Variants in XRN2 observed in about 807,000 individuals in gnomAD.
XRN2 encodes DHM1-like protein.
XRN2 carries 44 observed loss-of-function variants against 138.5 expected under a neutral mutation model. That is an observed-to-expected ratio of 0.32 (90% CI 0.25 to 0.41). XRN2 has a LOEUF of 0.41. Among genes scored for constraint, XRN2 ranks in the 10% least tolerant of loss-of-function variants. XRN2 has a pLI of 1.00. For synonymous variants in XRN2, 354 were observed against 369.4 expected (o/e 0.96, Z 0.48); for missense variants, 937 against 1,169.3 (o/e 0.80, Z 2.90).
Position 21,339,599 on chromosome 20 carries a change from C to T in XRN2, c.1278+511C>T, listed in dbSNP as rs538170349. ...CACATCCCCTGTTGTCTTCTAAATACGCCATATCCCTGCTGATTAAGAGTG... is the reference window on the plus strand; with the variant it reads ...CACATCCCCTGTTGTCTTCTAAATATGCCATATCCCTGCTGATTAAGAGTG... On this transcript the variant is annotated intron_variant, in intron 14 of 29. Coordinates refer to ENST00000377191, the MANE Select transcript of XRN2 (RefSeq NM_012255.5). 5.3e-5 allele frequency among the ~76,000 whole-genome samples: 8 copies of T among 152,326 alleles called. No homozygotes were observed. The East Asian group carries it at 7.7e-4, about 15-fold the overall frequency.
At chr20:21,377,265 T>TTTC (rs1491096750) in intron 27 of XRN2, among the ~76,000 whole-genome samples, 2 of 51,192 alleles carry the variant, frequency 3.9e-5, no homozygotes, top group Non-Finnish European at 7.2e-5. Flanking sequence ...CGGTTTTTTC[T>TTTC]TTTTTTTTTT....
Position 21,332,349 on chromosome 20 carries a change from A to G in XRN2, c.767A>G (p.Lys256Arg), listed in dbSNP as rs1239907301. The change falls in exon 9 of 30, where the codon AAA becomes AGA. Residue 256 changes from lysine to arginine, a missense_variant. Around this residue, in one of 6 missense-constraint regions of XRN2, gnomAD observed 471 missense variants for 581.2 expected, o/e 0.81. Transcript: ENST00000377191. The stretch of plus-strand genomic sequence containing the variant: ...TTTACCATTATTAGAGAAGAATTCA[A>G]ACCAAACAAGCCCAAACCATGTGGT... ...PNFTIIREEF[K>R]PNKPKPCGLC... The G allele has an allele frequency of 2.5e-5, 40 of 1,613,974 alleles. No individual in the cohort carries two copies. Among genetic ancestry groups the G allele is most frequent in the Non-Finnish European group, 3.3e-5 (39 of 1,179,876 alleles).
intron 27 of XRN2, among the ~76,000 whole-genome samples, chr20:21,375,899 C>G (rs1017631255): frequency 3.3e-5 from 5 of 151,568 alleles, no homozygotes; most frequent in African/African-American, 1.2e-4. Context: ...AGTGCAGTGG[C>G]GCAATCTCGG....
chr20:21,366,084 GTT>G (rs1407092757), intron 26 of XRN2, among the ~76,000 whole-genome samples: 2 of 101,170 alleles, frequency 2.0e-5, no homozygotes, highest in Non-Finnish European at 3.8e-5. Context: ...TATATTTATA[GTT>G]TATATATATA....
chr20:21,308,857 C>G lies in XRN2; in HGVS notation c.75+5384C>G, dbSNP rs2037839336. Among the ~76,000 whole-genome samples, 4 of 151,946 alleles carry G rather than the reference C, an allele frequency of 2.6e-5. No homozygotes were observed. In the South Asian group the frequency reaches 8.3e-4, roughly 31 times the overall value. ...TTAATTTTTTCCCTTTATATTTCTG[C>G]TTTTTGTATTTAAGGAATCCTTTGT... is the stretch of plus-strand genomic sequence containing the variant. On this transcript the variant is annotated intron_variant, in intron 1 of 29. Transcript: ENST00000377191.
intron 22 of XRN2, 32 bp downstream of exon 22, chr20:21,356,209 C>T (rs756524119): frequency 1.9e-6 from 3 of 1,547,452 alleles, no homozygotes; most frequent in Non-Finnish European, 2.6e-6. Context: ...ATTAGAAATG[C>T]ACTTTTTAAA....
At chr20:21,304,561 C>T (rs2037788868) in intron 1 of XRN2, among the ~76,000 whole-genome samples, 1 of 152,136 alleles carries the variant, frequency 6.6e-6, no homozygotes, top group African/African-American at 2.4e-5. Flanking sequence ...CCCTTCTCAT[C>T]CCATTTCTCC....
At chr20:21,379,951 C>G (rs896131123) in intron 27 of XRN2, among the ~76,000 whole-genome samples, 6 of 152,074 alleles carry the variant, frequency 3.9e-5, no homozygotes, top group African/African-American at 1.4e-4. Context: ...GAAGGTTTCT[C>G]TTAATGTAGC....
chr20:21,374,340 G>C (rs1438312462), intron 27 of XRN2, among the ~76,000 whole-genome samples: 1 of 151,990 alleles, frequency 6.6e-6, no homozygotes, highest in African/African-American at 2.4e-5. Flanking sequence ...TATTGCACAA[G>C]CTAGGACCTC....
At chr20:21,387,228 A>G (rs1458512650) in intron 29 of XRN2, among the ~76,000 whole-genome samples, 2 of 152,212 alleles carry the variant, frequency 1.3e-5, no homozygotes, top group African/African-American at 2.4e-5. Flanking sequence ...TTCTAACCCA[A>G]AAGCCCTTTA....
chr20:21,373,143 G>A (rs531316585), intron 27 of XRN2, among the ~76,000 whole-genome samples: 11 of 152,056 alleles, frequency 7.2e-5, no homozygotes, highest in Non-Finnish European at 1.2e-4. Context: ...CTGTGTAGCT[G>A]GGATTACAGG....
chr20:21,331,757 C>T lies in XRN2; in HGVS notation c.650-11C>T, dbSNP rs2038212923. ...TATATTAATATAAATACATGTTTCTCTCTTGTTTAGCCCAGCCTAACCATG... is the reference window on the plus strand; with the variant it reads ...TATATTAATATAAATACATGTTTCTTTCTTGTTTAGCCCAGCCTAACCATG... On this transcript the variant is annotated splice_polypyrimidine_tract_variant and intron_variant, in intron 7 of 29. Coordinates refer to ENST00000377191, the MANE Select transcript of XRN2 (RefSeq NM_012255.5). 5 of 1,604,498 alleles carry T rather than the reference C, an allele frequency of 3.1e-6. No individual in the cohort carries two copies. Among genetic ancestry groups the T allele is most frequent in the Non-Finnish European group, 4.2e-6 (5 of 1,177,624 alleles).
At chr20:21,314,193 C>T (rs894560129) in intron 1 of XRN2, among the ~76,000 whole-genome samples, 5 of 152,124 alleles carry the variant, frequency 3.3e-5, no homozygotes, top group African/African-American at 9.7e-5. Flanking sequence ...AGAATATGGT[C>T]GTTTCTGGCT....
intron 3 of XRN2, 53 bp downstream of exon 3, chr20:21,326,654 CCAG>C (rs1378864263): frequency 7.1e-7 from 1 of 1,404,146 alleles, no homozygotes; most frequent in Non-Finnish European, 9.8e-7. Flanking sequence ...TGCTGTGTTA[CCAG>C]TGTCTAGAAT....
intron 27 of XRN2, among the ~76,000 whole-genome samples, chr20:21,369,188 GT>G (rs1459459304): frequency 6.6e-6 from 1 of 152,122 alleles, no homozygotes; most frequent in Admixed American, 6.5e-5. Context: ...TGCCTGACTT[GT>G]TTCATGTAAC....
intron 8 of XRN2, 112 bp from the exon 9 acceptor site, chr20:21,332,171 C>T (rs2038221283): frequency 9.1e-6 from 12 of 1,319,080 alleles, no homozygotes; most frequent in Non-Finnish European, 2.0e-6. Context: ...CTTTGCTGCT[C>T]ATTTGGGTGC....
intron 1 of XRN2, among the ~76,000 whole-genome samples, chr20:21,321,706 T>A (rs958191012): frequency 6.6e-6 from 1 of 152,194 alleles, no homozygotes; most frequent in Non-Finnish European, 1.5e-5. Flanking sequence ...GTTCTAAAAT[T>A]TTTACAGGTT....
intron 19 of XRN2, among the ~76,000 whole-genome samples, chr20:21,349,129 T>C (rs368129941): frequency 2.0e-5 from 3 of 152,224 alleles, no homozygotes; most frequent in African/African-American, 2.4e-5. Flanking sequence ...GTAAACCCTT[T>C]ACTTTCTGCC....
chr20:21,352,697 A>G (rs938628400), intron 20 of XRN2, among the ~76,000 whole-genome samples: 5 of 152,210 alleles, frequency 3.3e-5, no homozygotes, highest in African/African-American at 1.2e-4. Flanking sequence ...GATATATAGC[A>G]TAGTAGTTTT....
Sources: allele counts gnomAD v4.1 joint callset (sites outside exome capture counted in the v4.1 genomes callset), GRCh38; gene constraint gnomAD v4.1.1; regional missense constraint gnomAD v4.1.1; transcripts MANE v1.5; gene names NCBI Gene and HGNC (gene_info 2026-07-23, HGNC 2026-07-21).